RNASE4: variants seen among roughly 807,000 people sequenced by gnomAD.
RNASE4 encodes the protein ribonuclease A family member 4.
For missense variants in RNASE4, 194 were observed against 192.8 expected (o/e 1.01, Z -0.04); for synonymous variants, 93 against 71.4 (o/e 1.30, Z -1.52).
Position 20,699,485 on chromosome 14 carries a change from G to A in RNASE4, c.114G>A (p.Arg38=), listed in dbSNP as rs1887210725. The A allele has an allele frequency of 6.2e-7, 1 of 1,613,964 alleles. No homozygotes were observed. Among genetic ancestry groups the A allele is most frequent in the South Asian group, 1.1e-5 (1 of 91,086 alleles). ...ATGGCATGTACCAGCGATTCCTGCG[G>A]CAACACGTGCACCCTGAGGAGACAG... The part of the protein sequence containing the change: ...GQDGMYQRFL[R]QHVHPEETGG... The change falls in exon 2 of 2, where the codon CGG becomes CGA. Residue 38 remains arginine, a synonymous_variant. Transcript: ENST00000555835.
intron 1 of RNASE4, among the ~76,000 whole-genome samples, chr14:20,691,032 G>A (rs1886714690): frequency 6.6e-6 from 1 of 152,258 alleles, no homozygotes; most frequent in East Asian, 1.9e-4. Flanking sequence ...ATCTAATGAG[G>A]TGTCCTTGGT....
intron 1 of RNASE4, among the ~76,000 whole-genome samples, chr14:20,694,712 C>T (rs781536557): frequency 6.6e-6 from 1 of 152,128 alleles, no homozygotes; most frequent in Non-Finnish European, 1.5e-5. Flanking sequence ...AATTCCAGGG[C>T]TCGTAGCTAC....
At chr14:20,694,431 C>T (rs1410345807) in intron 1 of RNASE4, among the ~76,000 whole-genome samples, 1 of 150,872 alleles carries the variant, frequency 6.6e-6, no homozygotes, top group Non-Finnish European at 1.5e-5. Context: ...TCCCAAATAG[C>T]TGAGATTACA....
rs1040841320 is a variant in RNASE4, at chr14:20,684,731, G to C, written c.-45G>C. On this transcript the variant is annotated 5_prime_UTR_variant, in exon 1 of 2. Transcript: ENST00000555835. The stretch of plus-strand genomic sequence containing the variant: ...AAAACTTCTTTCCATTGTCCTGCCC[G>C]TTTCTGCGGACTTGTTCTGAGGCCG... 6.6e-6 allele frequency: 1 copy of C among 152,518 alleles called. No homozygotes were observed. Among genetic ancestry groups the C allele is most frequent in the African/African-American group, 2.4e-5 (1 of 41,444 alleles). 9.4% of individuals were successfully genotyped at this position (152,518 alleles called of 1,614,324 possible). A position where few individuals can be genotyped will look rare whatever the true frequency, so the allele number is the denominator to read the frequency against.
intron 1 of RNASE4, among the ~76,000 whole-genome samples, chr14:20,686,928 G>A (rs963072370): frequency 1.6e-4 from 24 of 152,126 alleles, no homozygotes; most frequent in African/African-American, 5.8e-4. Context: ...TCTAACACTA[G>A]GGTCCTTGGA....
rs1886539644 is a variant in RNASE4, at chr14:20,688,634, A to G, written c.-18+3876A>G. Reference sequence around the variant, plus strand: ...CTCTAATCCATTCAGGTGGGTTAATATCTAACCCAATCATGCCCAGCGAAA... The same window carrying G: ...CTCTAATCCATTCAGGTGGGTTAATGTCTAACCCAATCATGCCCAGCGAAA... On this transcript the variant is annotated intron_variant, in intron 1 of 1. Transcript: ENST00000555835. 5.4e-6 allele frequency: 5 copies of G among 928,412 alleles called. No individual in the cohort carries two copies. The South Asian group carries it at 2.5e-4, about 46-fold the overall frequency. 57.5% of individuals were successfully genotyped at this position (928,412 alleles called of 1,614,324 possible).
intron 1 of RNASE4, among the ~76,000 whole-genome samples, chr14:20,691,713 A>T (rs1886760122): frequency 6.6e-6 from 1 of 152,212 alleles, no homozygotes; most frequent in Non-Finnish European, 1.5e-5. Context: ...ATGCTAAGGA[A>T]TTTTTTCATT....
At chr14:20,695,513 C>T (rs1352832888) in intron 1 of RNASE4, among the ~76,000 whole-genome samples, 1 of 152,092 alleles carries the variant, frequency 6.6e-6, no homozygotes, top group Non-Finnish European at 1.5e-5. Flanking sequence ...TTGTAAAATA[C>T]ACTGTTCAAT....
At chr14:20,695,427 T>C (rs944062388) in intron 1 of RNASE4, among the ~76,000 whole-genome samples, 2 of 151,926 alleles carry the variant, frequency 1.3e-5, no homozygotes, top group Non-Finnish European at 2.9e-5. Context: ...TCCCAGTTTA[T>C]CCCAGTTTAT....
intron 1 of RNASE4, among the ~76,000 whole-genome samples, chr14:20,687,804 G>A (rs1178493692): frequency 6.6e-6 from 1 of 152,206 alleles, no homozygotes; most frequent in Admixed American, 6.5e-5. Context: ...CAGGCAGCCT[G>A]TCTTTTCTTG....
chr14:20,690,221 C>CAAAAAAAAAAAAAA (rs36091065), intron 1 of RNASE4, among the ~76,000 whole-genome samples: 5 of 67,980 alleles, frequency 7.4e-5, no homozygotes, highest in African/African-American at 1.3e-4. Flanking sequence ...GACTCCGTCT[C>CAAAAAAAAAAAAAA]AAAAAAAAAA....
rs564512618 is a variant in RNASE4 at position 20,696,939 on chromosome 14, AAAG to A, written c.-17-2412_-17-2410del. Among the ~76,000 whole-genome samples, 9 of 152,294 alleles carry A rather than the reference AAAG, an allele frequency of 5.9e-5. No individual in the cohort carries two copies. In the East Asian group the frequency reaches 1.3e-3, roughly 23 times the overall value. On this transcript the variant is annotated intron_variant, in intron 1 of 1. Coordinates refer to ENST00000555835, the MANE Select transcript of RNASE4 (RefSeq NM_002937.5). ...CTCAGTCTTTTAGACCACGGTGTCA[AAAG>A]AAGTTCTTACTGTGAGTCAGGGTGG...
intron 1 of RNASE4, chr14:20,693,699 G>C: frequency 6.2e-7 from 1 of 1,614,164 alleles, no homozygotes; most frequent in Non-Finnish European, 8.5e-7. Context: ...CACAGGGCCG[G>C]GATGACAGAT....
At chr14:20,697,634 C>A (rs1268160621) in intron 1 of RNASE4, among the ~76,000 whole-genome samples, 1 of 152,174 alleles carries the variant, frequency 6.6e-6, no homozygotes, top group East Asian at 1.9e-4. Context: ...CGTTTGGAAG[C>A]CATTTCAGTC....
rs573061421 is a variant in RNASE4 at position 20,685,098 on chromosome 14, A to G, written c.-18+340A>G. On this transcript the variant is annotated intron_variant, in intron 1 of 1. Coordinates refer to ENST00000555835, the MANE Select transcript of RNASE4 (RefSeq NM_002937.5). The stretch of plus-strand genomic sequence containing the variant: ...ACTAAGAAAGCTTTGCTAGTTATTC[A>G]GGCTAATCACCAGCTTTTTGAAGCA... Among the ~76,000 whole-genome samples the G allele has an allele frequency of 2.6e-4, 40 of 152,332 alleles. No individual in the cohort carries two copies. The East Asian group carries it at 7.1e-3, about 27-fold the overall frequency.
chr14:20,688,723 C>T, intron 1 of RNASE4: 1 of 985,294 alleles, frequency 1.0e-6, no homozygotes, highest in Non-Finnish European at 1.2e-6. Flanking sequence ...CCTGCCAGGA[C>T]TGGGACACTA....
At chr14:20,689,338 T>C (rs752991010) in intron 1 of RNASE4, among the ~76,000 whole-genome samples, 1 of 152,196 alleles carries the variant, frequency 6.6e-6, no homozygotes, top group African/African-American at 2.4e-5. Flanking sequence ...GAAGGCTCAC[T>C]GGCAGGTTGA....
intron 1 of RNASE4, chr14:20,693,839 A>C: frequency 6.2e-7 from 1 of 1,614,222 alleles, no homozygotes; most frequent in Non-Finnish European, 8.5e-7. Flanking sequence ...CACAGAGAAA[A>C]CCTAAGAATA....
At chr14:20,692,234 G>A (rs1304671451) in intron 1 of RNASE4, among the ~76,000 whole-genome samples, 1 of 152,176 alleles carries the variant, frequency 6.6e-6, no homozygotes, top group African/African-American at 2.4e-5. Flanking sequence ...CTCAGTATGT[G>A]TGATGACTAC....
Sources: gnomAD v4.1 joint callset for allele counts (sites outside exome capture counted in the v4.1 genomes callset) on GRCh38, gnomAD v4.1.1 for gene constraint, MANE v1.5 for transcripts, NCBI Gene and HGNC (gene_info 2026-07-23, HGNC 2026-07-21) for gene names.